LTBP1: variants seen among roughly 807,000 people sequenced by gnomAD.
LTBP1 encodes latent transforming growth factor beta binding protein 1.
A neutral mutation model predicts 207.6 loss-of-function variants in LTBP1; 129 were observed. The ratio of observed to expected loss-of-function variants is 0.62; its 90% CI spans 0.54 to 0.72. The LOEUF (loss-of-function observed/expected upper bound fraction) is 0.72, where lower values mean the gene tolerates loss of function less well. Among genes scored for constraint, LTBP1 ranks in the 30% least tolerant of loss-of-function variants. LTBP1 has a pLI of 0.00. For missense variants in LTBP1, 2,281 were observed against 2,217.2 expected (o/e 1.03, Z -0.58); for synonymous variants, 963 against 833.7 (o/e 1.16, Z -2.67).
Position 33,187,086 on chromosome 2 carries a change from C to A in LTBP1, c.1426+6C>A. 1 of 1,612,006 alleles carries A rather than the reference C, an allele frequency of 6.2e-7. No homozygotes were observed. The highest frequency in any genetic ancestry group is 1.1e-5 in the South Asian group (1 of 90,978). Reference sequence around the variant, plus strand: ...TAGCCAGCAAGGAGTCAAAGGTAAGCTTTTTTCATTCCGCCCATTTGCCAG... The same window carrying A: ...TAGCCAGCAAGGAGTCAAAGGTAAGATTTTTTCATTCCGCCCATTTGCCAG... On this transcript the variant is annotated splice_donor_region_variant and intron_variant, in intron 6 of 33. Transcript: ENST00000404816.
rs556638833 is a variant in LTBP1 at position 33,016,014 on chromosome 2, G to T, written c.566-4895G>T. On this transcript the variant is annotated intron_variant, in intron 2 of 33. Coordinates refer to ENST00000404816, the MANE Select transcript of LTBP1 (RefSeq NM_206943.4). The stretch of plus-strand genomic sequence containing the variant: ...ACCAGGCCCCACCTCCAACTCTGGG[G>T]ATTATAATTCAACAGGAGATTTGGT... Among the ~76,000 whole-genome samples, 9 of 152,234 alleles carry T rather than the reference G, an allele frequency of 5.9e-5. No individual in the cohort carries two copies. The East Asian group carries it at 1.7e-3, about 29-fold the overall frequency.
At chr2:33,013,608 G>A (rs971509451) in intron 2 of LTBP1, among the ~76,000 whole-genome samples, 2 of 151,646 alleles carry the variant, frequency 1.3e-5, no homozygotes, top group Non-Finnish European at 2.9e-5. Context: ...AGTTATACAT[G>A]GCAGTGATAA....
At chr2:33,259,147 A>G (rs1277313025) in intron 12 of LTBP1, among the ~76,000 whole-genome samples, 1 of 152,228 alleles carries the variant, frequency 6.6e-6, no homozygotes, top group African/African-American at 2.4e-5. Flanking sequence ...TCTTACTGAA[A>G]TAAGTGACAT....
rs1401553869 is a variant in LTBP1 at position 33,273,672 on chromosome 2, T to C, written c.2634T>C (p.Thr878=). ...PTQVTEINEC[T]VNPDICGAGH... ...CTTTTAAAGAAATCAATGAATGTAC[T>C]GTGAACCCTGATATCTGTGGAGCAG... Residue 878 remains threonine, a synonymous_variant, in exon 16 of 34, where the codon ACT becomes ACC. Transcript: ENST00000404816. The C allele has an allele frequency of 1.2e-6, 2 of 1,608,142 alleles. No homozygotes were observed. Among genetic ancestry groups the C allele is most frequent in the Admixed American group, 3.4e-5 (2 of 58,914 alleles).
chr2:33,286,140 G>A (rs1426103467), intron 19 of LTBP1, among the ~76,000 whole-genome samples: 3 of 152,060 alleles, frequency 2.0e-5, no homozygotes, highest in African/African-American at 4.8e-5. Flanking sequence ...CTTGAGACCC[G>A]GTAACACAAA....
intron 3 of LTBP1, among the ~76,000 whole-genome samples, chr2:33,030,088 C>T (rs964927615): frequency 3.3e-5 from 5 of 152,230 alleles, no homozygotes; most frequent in Admixed American, 2.0e-4. Context: ...CTTTGCCTGA[C>T]GTTGGTGTTT....
In LTBP1 at chr2:33,074,367, A is replaced by G. The variant is rs116401250; in HGVS notation, c.864-36215A>G. ...TTCACTTCTTCCTCTAGCAGTTTCA[A>G]CTGACTCAGTTACTTTCTCTAGGCC... On this transcript the variant is annotated intron_variant, in intron 3 of 33. Transcript: ENST00000404816. 8.5e-3 allele frequency among the ~76,000 whole-genome samples: 1,299 copies of G among 152,210 alleles called. 14 individuals carry two copies. The highest frequency in any genetic ancestry group is 0.016 in the African/African-American group (684 of 41,528).
At chr2:33,056,416 T>A in intron 3 of LTBP1, 1 of 1,080,118 alleles carries the variant, frequency 9.3e-7, no homozygotes, top group Non-Finnish European at 1.3e-6. Flanking sequence ...CCCTGGGCGA[T>A]GGTGACTTTG....
chr2:33,209,008 C>T (rs1165149755), intron 7 of LTBP1, among the ~76,000 whole-genome samples: 1 of 151,660 alleles, frequency 6.6e-6, no homozygotes, highest in Non-Finnish European at 1.5e-5. Context: ...GCTGGGATTA[C>T]AGGCGCCCGC....
At chr2:33,139,066 G>A (rs1166664388) in intron 5 of LTBP1, among the ~76,000 whole-genome samples, 10 of 148,118 alleles carry the variant, frequency 6.8e-5, no homozygotes, top group African/African-American at 1.7e-4. Flanking sequence ...CACCGTGTTA[G>A]CCAGGATGGT....
At chr2:33,367,923 A>G (rs1427974765) in intron 31 of LTBP1, among the ~76,000 whole-genome samples, 1 of 152,188 alleles carries the variant, frequency 6.6e-6, no homozygotes, top group African/African-American at 2.4e-5. Context: ...TTTAAAAATT[A>G]CCATCTTTTG....
chr2:33,227,086 A>G (rs2091483309), intron 9 of LTBP1, among the ~76,000 whole-genome samples: 2 of 150,442 alleles, frequency 1.3e-5, no homozygotes, highest in South Asian at 4.2e-4. Context: ...CCCAGACTGG[A>G]GTGCAGTGGC....
intron 5 of LTBP1, among the ~76,000 whole-genome samples, chr2:33,167,918 A>G (rs1036454214): frequency 1.3e-5 from 2 of 152,212 alleles, no homozygotes; most frequent in Non-Finnish European, 2.9e-5. Context: ...TAAGCAGGAA[A>G]TTGATGGGTG....
rs770670913 is a variant in LTBP1, at chr2:33,301,620, T to C, written c.3457T>C (p.Ser1153Pro). The change falls in exon 22 of 34, where the codon TCT (serine) becomes CCT (proline). Residue 1153 changes from serine (S) to proline (P), a missense_variant. Ser to Pro is a moderately conservative substitution (Grantham distance 74). Around this residue, in one of 3 missense-constraint regions of LTBP1, gnomAD observed 1,671 missense variants for 1,634.8 expected, o/e 1.02. Transcript: ENST00000404816. ...TGTGTGTGACCAGGGTTACAGAGCATCTGGGCTTGGAGACCACTGTGAAGG... is the reference window on the plus strand; with the variant it reads ...TGTGTGTGACCAGGGTTACAGAGCACCTGGGCTTGGAGACCACTGTGAAGG... ...QCVCDQGYRA[S>P]GLGDHCEDIN... 3.7e-6 allele frequency: 6 copies of C among 1,609,064 alleles called. No individual in the cohort carries two copies. The African/African-American group carries it at 8.0e-5, about 22-fold the overall frequency.
At chr2:33,253,810 A>G (rs1281051842) in intron 11 of LTBP1, among the ~76,000 whole-genome samples, 2 of 151,886 alleles carry the variant, frequency 1.3e-5, no homozygotes, top group African/African-American at 2.4e-5. Context: ...ATGTTGGTAG[A>G]CTAGATAATT....
At chr2:33,054,739 A>C (rs1016550936) in intron 3 of LTBP1, among the ~76,000 whole-genome samples, 4 of 152,064 alleles carry the variant, frequency 2.6e-5, no homozygotes, top group Non-Finnish European at 5.9e-5. Context: ...GTCCAGGAGG[A>C]AGTCAATTTC....
At chr2:33,104,795 C>T (rs1403104904) in intron 3 of LTBP1, among the ~76,000 whole-genome samples, 1 of 152,188 alleles carries the variant, frequency 6.6e-6, no homozygotes, top group East Asian at 1.9e-4. Context: ...GAGATCCACC[C>T]TGCATTTCTG....
intron 5 of LTBP1, among the ~76,000 whole-genome samples, chr2:33,172,646 A>G (rs571995504): frequency 5.3e-5 from 8 of 152,222 alleles, no homozygotes; most frequent in Non-Finnish European, 1.0e-4. Context: ...GCTCTGCACC[A>G]AGCAGACCTA....
chr2:33,393,689 T>G (rs377198962), intron 32 of LTBP1, among the ~76,000 whole-genome samples: 3 of 152,142 alleles, frequency 2.0e-5, no homozygotes, highest in African/African-American at 7.2e-5. Flanking sequence ...TCCAGTCTAT[T>G]ATTGATGGAC....
Sources: allele counts gnomAD v4.1 joint callset (sites outside exome capture counted in the v4.1 genomes callset), GRCh38; gene constraint gnomAD v4.1.1; regional missense constraint gnomAD v4.1.1; transcripts MANE v1.5; gene names NCBI Gene and HGNC (gene_info 2026-07-23, HGNC 2026-07-21).